AUP1: variants seen among roughly 807,000 people sequenced by gnomAD.
The protein encoded by AUP1 is AUP1 lipid droplet regulating VLDL assembly factor, also known as lipid droplet-regulating VLDL assembly factor AUP1.
A neutral mutation model predicts 51.8 loss-of-function variants in AUP1; 30 were observed. That is an observed-to-expected ratio of 0.58 (90% CI 0.43 to 0.79). AUP1 has a LOEUF of 0.79. AUP1 is among the 30% of genes least tolerant of loss of function. AUP1 has a pLI of 0.00. For missense variants in AUP1, 492 were observed against 517.1 expected, an observed-to-expected ratio of 0.95 and a Z score of 0.47; for synonymous variants, 227 against 209.0, an observed-to-expected ratio of 1.09 and a Z score of -0.74.
chr2:74,527,612 A>G, intron 8 of AUP1, 22 bp from the exon 9 acceptor site: 1 of 1,587,900 alleles, frequency 6.3e-7, no homozygotes, highest in Middle Eastern at 1.7e-4. Flanking sequence ...GGAAAAAAAG[A>G]AAAAAGAAAT....
intron 10 of AUP1, 56 bp from the exon 11 acceptor site, chr2:74,527,115 C>A (rs772405822): frequency 6.2e-7 from 1 of 1,613,124 alleles, no homozygotes; most frequent in Non-Finnish European, 8.5e-7. Context: ...AAACACGCAT[C>A]GAATGCCTAC....
Position 74,529,440 on chromosome 2 carries a change from C to A in AUP1, c.110G>T (p.Cys37Phe), listed in dbSNP as rs1675399758. The change falls in exon 2 of 12, where the codon TGC (cysteine) becomes TTC (phenylalanine). Residue 37 changes from cysteine (C) to phenylalanine (F), a missense_variant. Cys to Phe is a radical substitution (Grantham distance 205). Transcript: ENST00000377526. Reference sequence around the variant, plus strand: ...GAGAAAGAGGCGCAGGACGAGGAGGCAGAACCCGACTGGCGCGTAGAGCAG... The same window carrying A: ...GAGAAAGAGGCGCAGGACGAGGAGGAAGAACCCGACTGGCGCGTAGAGCAG... ...VLLLYAPVGF[C>F]LLVLRLFLGI... 1 of 1,574,122 alleles carries A rather than the reference C, an allele frequency of 6.4e-7. No homozygotes were observed. Among genetic ancestry groups the A allele is most frequent in the Non-Finnish European group, 8.6e-7 (1 of 1,158,906 alleles).
chr2:74,526,983 C>G lies in AUP1; in HGVS notation c.1154G>C (p.Ser385Thr), dbSNP rs1271280480. The G allele has an allele frequency of 6.2e-7, 1 of 1,614,070 alleles. No individual in the cohort carries two copies. Among genetic ancestry groups the G allele is most frequent in the Admixed American group, 1.7e-5 (1 of 60,008 alleles). ...TAGTGCTTGCTTGCGCTCCTGCAGG[C>G]TCTCCTGCCGGGCCCAGGAAGACTT... ...FAKSSWARQE[S>T]LQERKQALYE... Residue 385 changes from serine (S) to threonine (T), a missense_variant, in exon 11 of 12, where the codon AGC becomes ACC. Ser to Thr is a moderately conservative substitution (Grantham distance 58, BLOSUM62 1). Transcript: ENST00000377526.
rs368646810 is a variant in AUP1 at position 74,527,344 on chromosome 2, G to A, written c.981C>T (p.Asp327=). The A allele has an allele frequency of 6.2e-7, 1 of 1,613,946 alleles. No individual in the cohort carries two copies. The highest frequency in any genetic ancestry group is 1.3e-5 in the African/African-American group (1 of 74,862). ...CCTCAAGCAGATTAGTGATAGTCAAGTCTACACAGCCAGTCTTGGCTGGGG... is the reference window on the plus strand; with the variant it reads ...CCTCAAGCAGATTAGTGATAGTCAAATCTACACAGCCAGTCTTGGCTGGGG... ...QRDLAKTGCV[D]LTITNLLEGA... Residue 327 remains aspartate (D), a synonymous_variant, in exon 10 of 12, where the codon GAC becomes GAT. Coordinates refer to ENST00000377526, the MANE Select transcript of AUP1 (RefSeq NM_181575.5).
At position 74,527,964 on chromosome 2, in the gene AUP1, C is replaced by T. The variant is rs1313255707; in HGVS notation, c.714G>A (p.Glu238=). Residue 238 remains glutamate, a synonymous_variant, in exon 7 of 12, where the codon GAG becomes GAA. Transcript: ENST00000377526. ...PVHRQLGEAN[E]EFALRVQQLV... The stretch of plus-strand genomic sequence containing the variant: ...CCTGTTGTACACGGAGTGCAAACTC[C>T]TCATTCGCTTCCCCTAGTTGGCGAT... The T allele has an allele frequency of 6.2e-7, 1 of 1,614,222 alleles. No individual in the cohort carries two copies. The highest frequency in any genetic ancestry group is 2.2e-5 in the East Asian group (1 of 44,890).
At chr2:74,529,013 G>C (rs765789530) in intron 3 of AUP1, 78 bp from the exon 4 acceptor site, 12 of 1,604,624 alleles carry the variant, frequency 7.5e-6, no homozygotes, top group African/African-American at 1.3e-5. Context: ...TTGGGTAGAG[G>C]ATCGGGGTTA....
At chr2:74,528,137 G>T in intron 6 of AUP1, 111 bp downstream of exon 6, 2 of 1,473,750 alleles carry the variant, frequency 1.4e-6, no homozygotes, top group Non-Finnish European at 1.9e-6. Context: ...TGTTGCCTCT[G>T]TGGTAGAACC....
intron 6 of AUP1, 90 bp downstream of exon 6, chr2:74,528,158 G>T: frequency 1.3e-6 from 2 of 1,491,448 alleles, no homozygotes; most frequent in Non-Finnish European, 1.9e-6. Context: ...TTGATATAAA[G>T]ATCTACAAAT....
Position 74,527,260 on chromosome 2 carries a change from G to A in AUP1, c.1065C>T (p.Ala355=), listed in dbSNP as rs778066394. The A allele has an allele frequency of 4.3e-6, 7 of 1,613,736 alleles. No individual in the cohort carries two copies. Among genetic ancestry groups the A allele is most frequent in the African/African-American group, 1.3e-5 (1 of 74,930 alleles). ...ITKGTQSLPT[A]SASKFPSSGP... ...TCCTGGGTCTCACCTTGGAGGCAGA[G>A]GCTGTGGGTAGGGACTGAGTTCCCT... is the stretch of plus-strand genomic sequence containing the variant. The change falls in exon 10 of 12, where the codon GCC becomes GCT. Residue 355 remains alanine, a synonymous_variant. Transcript: ENST00000377526.
Position 74,528,420 on chromosome 2 carries a change from A to G in AUP1, c.594T>C (p.Ser198=). The G allele has an allele frequency of 6.8e-6, 11 of 1,613,742 alleles. No individual in the cohort carries two copies. Among genetic ancestry groups the G allele is most frequent in the Non-Finnish European group, 9.3e-6 (11 of 1,179,652 alleles). The change falls in exon 5 of 12, where the codon TCT becomes TCC. Residue 198 remains serine (S), a synonymous_variant. Transcript: ENST00000377526. ...LTLQVQRPLV[S]VTVSDASWVS... is the part of the protein sequence containing the mutation. ...TCCCTGTTCAACACACACTCACCAC[A>G]GAGACCAGGGGTCTCTGAACTTGCA... is the stretch of plus-strand genomic sequence containing the variant.
At position 74,528,472 on chromosome 2, in the gene AUP1, A is replaced by T; in HGVS notation, c.542T>A (p.Ile181Asn). The T allele has an allele frequency of 1.9e-6, 3 of 1,613,556 alleles. No individual in the cohort carries two copies. The highest frequency in any genetic ancestry group is 2.5e-6 in the Non-Finnish European group (3 of 1,179,724). The stretch of plus-strand genomic sequence containing the variant: ...GGTAAGAGGTTGTACCACATCTTGG[A>T]TAGAAAATGGCCAGGAACTAGAAGA... ...LLRFSSWPFSIQDVVQPLTLQ... is the reference protein window; with the variant it reads ...LLRFSSWPFSNQDVVQPLTLQ... Residue 181 changes from isoleucine to asparagine, a missense_variant, in exon 5 of 12, where the codon ATC (isoleucine) becomes AAC (asparagine). By Grantham distance (149) the Ile-to-Asn change is moderately radical. Transcript: ENST00000377526.
At chr2:74,528,962 G>A (rs373568236) in intron 3 of AUP1, 27 bp from the exon 4 acceptor site, 284 of 1,607,422 alleles carry the variant, frequency 1.8e-4, no homozygotes, top group African/African-American at 2.5e-4. Context: ...GAGAAAGCAA[G>A]AAGAAAAATA....
chr2:74,528,919 G>A lies in AUP1; in HGVS notation c.356C>T (p.Pro119Leu), dbSNP rs1675347070. 1 of 1,613,980 alleles carries A rather than the reference G, an allele frequency of 6.2e-7. No individual in the cohort carries two copies. The highest frequency in any genetic ancestry group is 1.3e-5 in the African/African-American group (1 of 74,888). Residue 119 changes from proline to leucine, a missense_variant, in exon 4 of 12, where the codon CCC becomes CTC. By Grantham distance (98) the Pro-to-Leu change is moderately conservative. Coordinates refer to ENST00000377526, the MANE Select transcript of AUP1 (RefSeq NM_181575.5). ...TTCSTPLLNS[P>L]PSFVCWSRGF... ...CCGAGACCAGCACACAAAGCTGGGG[G>A]GACTATTGAGTAGAGGCTGGGAACC...
At position 74,526,833 on chromosome 2, in the gene AUP1, T is replaced by C; in HGVS notation, c.1200A>G (p.Arg400=). 6.4e-7 allele frequency: 1 copy of C among 1,560,714 alleles called. No homozygotes were observed. Among genetic ancestry groups the C allele is most frequent in the Admixed American group, 1.8e-5 (1 of 55,242 alleles). Residue 400 remains arginine (R), a synonymous_variant, in exon 12 of 12, where the codon AGA becomes AGG. Transcript: ENST00000377526. ...CCTCCTGGGCTCGTCTCTCTGTGAATCTCCTGTGGGACATAGGGAGAGATA... is the reference window on the plus strand; with the variant it reads ...CCTCCTGGGCTCGTCTCTCTGTGAACCTCCTGTGGGACATAGGGAGAGATA... ...KQALYEYARR[R]FTERRAQEAD
chr2:74,528,314 G>A lies in AUP1; in HGVS notation c.605C>T (p.Ser202Leu). 1 of 1,614,192 alleles carries A rather than the reference G, an allele frequency of 6.2e-7. No individual in the cohort carries two copies. The highest frequency in any genetic ancestry group is 1.7e-5 in the Admixed American group (1 of 60,032). Residue 202 changes from serine (S) to leucine (L), a missense_variant, in exon 6 of 12, where the codon TCA becomes TTA. Physicochemically the swap from Ser to Leu is moderately radical, Grantham distance 145. Transcript: ENST00000377526. ...VQRPLVSVTV[S>L]DASWVSELLW... ...CAGTTCTGAGACCCAGGAGGCATCTGACACCGTCTGAGGGGAGGGCATGAG... is the reference window on the plus strand; with the variant it reads ...CAGTTCTGAGACCCAGGAGGCATCTAACACCGTCTGAGGGGAGGGCATGAG...
Position 74,529,412 on chromosome 2 carries a change from C to A in AUP1, c.138G>T (p.Gly46=). 1 of 1,597,380 alleles carries A rather than the reference C, an allele frequency of 6.3e-7. No individual in the cohort carries two copies. The highest frequency in any genetic ancestry group is 2.3e-5 in the East Asian group (1 of 44,108). ...FCLLVLRLFL[G]IHVFLVSCAL... The stretch of plus-strand genomic sequence containing the variant: ...CGCAGCTGACCAGGAAGACGTGGAT[C>A]CCGAGAAAGAGGCGCAGGACGAGGA... Residue 46 remains glycine, a synonymous_variant, in exon 2 of 12, where the codon GGG becomes GGT. Coordinates refer to ENST00000377526, the MANE Select transcript of AUP1 (RefSeq NM_181575.5).
Position 74,527,456 on chromosome 2 carries a change from C to T in AUP1, c.961+15G>A. ...CTGTGCCCATCTCCCAGTGTGGGGC[C>T]ACCCTTTCCCATACCCAGGTCTCTC... On this transcript the variant is annotated intron_variant, in intron 9 of 11. Coordinates refer to ENST00000377526, the MANE Select transcript of AUP1 (RefSeq NM_181575.5). 2 of 1,610,850 alleles carry T rather than the reference C, an allele frequency of 1.2e-6. No homozygotes were observed. The highest frequency in any genetic ancestry group is 1.7e-6 in the Non-Finnish European group (2 of 1,178,352).
At position 74,529,222 on chromosome 2, in the gene AUP1, T is replaced by C. The variant is rs750379017; in HGVS notation, c.249A>G (p.Gly83=). The change falls in exon 3 of 12, where the codon GGA becomes GGG. Residue 83 remains glycine (G), a synonymous_variant. Transcript: ENST00000377526. ...LGLVARQEDS[G]LRDHSVRVLI... ...GGACCCTGACACTGTGATCCCGGAG[T>C]CCGGAGTCCTCCTGCCGGGCCACGA... 5.6e-6 allele frequency: 9 copies of C among 1,613,924 alleles called. No homozygotes were observed. The highest frequency in any genetic ancestry group is 5.9e-6 in the Non-Finnish European group (7 of 1,179,956).
chr2:74,527,668 T>C (rs1400282642), intron 8 of AUP1, 68 bp downstream of exon 8: 1 of 1,587,550 alleles, frequency 6.3e-7, no homozygotes, highest in Admixed American at 1.8e-5. Context: ...AGCACAGAAA[T>C]AGGGGAGGAA....
Sources: gnomAD v4.1 joint callset for allele counts on GRCh38, gnomAD v4.1.1 for gene constraint, MANE v1.5 for transcripts, NCBI Gene and HGNC (gene_info 2026-07-23, HGNC 2026-07-21) for gene names.